The following NCKAP5 variants were observed in gnomAD, a reference collection of about 807,000 sequenced individuals.
NCKAP5 encodes NCK associated protein 5.
In NCKAP5, 92 loss-of-function variants were observed where a neutral mutation model predicts 167.0. That is an observed-to-expected ratio of 0.55 (90% CI 0.47 to 0.66). NCKAP5 has a LOEUF of 0.66. Ranked by LOEUF, NCKAP5 falls within the 30% of genes least tolerant of loss-of-function variation. The probability of loss-of-function intolerance (pLI) is 0.00; values close to 1 mark genes in which losing one functional copy is unlikely to be tolerated. For missense variants in NCKAP5, 2,378 were observed against 2,315.0 expected (o/e 1.03, Z -0.56); for synonymous variants, 891 against 877.4 (o/e 1.02, Z -0.27).
intron 4 of NCKAP5, among the ~76,000 whole-genome samples, chr2:133,267,781 C>T (rs2089312031): frequency 6.6e-6 from 1 of 152,116 alleles, no homozygotes. Context: ...ATGAGATGCT[C>T]CTTTCAATAA....
intron 8 of NCKAP5, among the ~76,000 whole-genome samples, chr2:132,917,119 A>T (rs1429087157): frequency 2.0e-5 from 3 of 152,198 alleles, no homozygotes; most frequent in Non-Finnish European, 4.4e-5. Flanking sequence ...CCTTGTTTAC[A>T]GATAAGAAAG....
Position 132,734,184 on chromosome 2 carries a change from A to G in NCKAP5, c.5129-2133T>C, listed in dbSNP as rs549807204. Among the ~76,000 whole-genome samples the G allele has an allele frequency of 2.0e-5, 3 of 152,264 alleles. No homozygotes were observed. The South Asian group carries it at 6.2e-4, about 32-fold the overall frequency. On this transcript the variant is annotated intron_variant, in intron 16 of 19. Transcript: ENST00000409261. ...TTTCATTTTCTCCTCAATTAAGGGT[A>G]TTTAATTGTTATAGAATGGTGTTTT...
chr2:133,096,233 G>A (rs374635154), intron 6 of NCKAP5, among the ~76,000 whole-genome samples: 32 of 152,296 alleles, frequency 2.1e-4, no homozygotes, highest in African/African-American at 7.5e-4. Flanking sequence ...GCTCACACAT[G>A]TAATCCCAGC....
intron 4 of NCKAP5, among the ~76,000 whole-genome samples, chr2:133,293,862 T>C (rs912362369): frequency 9.2e-5 from 14 of 152,120 alleles, no homozygotes; most frequent in African/African-American, 3.4e-4. Flanking sequence ...TTTGATGGGT[T>C]TCCAGGGTGG....
At chr2:133,473,282 A>C (rs1351429310) in intron 3 of NCKAP5, among the ~76,000 whole-genome samples, 1 of 152,090 alleles carries the variant, frequency 6.6e-6, no homozygotes, top group African/African-American at 2.4e-5. Context: ...CAGTGAGCCG[A>C]GATCGAGCCA....
chr2:133,637,476 C>CAAAAAA, the NCKAP5 span, among the ~76,000 whole-genome samples: 7 of 31,672 alleles, frequency 2.2e-4, no homozygotes, highest in African/African-American at 9.3e-4. Flanking sequence ...TGGTATTTTC[C>CAAAAAA]AAAAAAAAAA....
At chr2:133,132,942 C>A (rs1209546852) in intron 5 of NCKAP5, among the ~76,000 whole-genome samples, 4 of 152,136 alleles carry the variant, frequency 2.6e-5, no homozygotes, top group African/African-American at 9.7e-5. Flanking sequence ...TCCCAAAGTG[C>A]TGGGATTATA....
intron 12 of NCKAP5, among the ~76,000 whole-genome samples, chr2:132,795,820 G>GAAAAAAAAAAAAAAAAA (rs55826486): frequency 5.9e-5 from 5 of 84,986 alleles, no homozygotes; most frequent in Non-Finnish European, 1.3e-4. Flanking sequence ...CCCCGTATCA[G>GAAAAAAAAAAAAAAAAA]AAAAAAAAAA....
intron 4 of NCKAP5, among the ~76,000 whole-genome samples, chr2:133,214,390 T>G (rs1158853637): frequency 6.6e-6 from 1 of 152,190 alleles, no homozygotes; most frequent in African/African-American, 2.4e-5. Context: ...AGTAGTTTTT[T>G]GGAATCAAAT....
At chr2:132,740,919 A>G (rs1574049980) in intron 16 of NCKAP5, among the ~76,000 whole-genome samples, 1 of 152,218 alleles carries the variant, frequency 6.6e-6, no homozygotes, top group East Asian at 1.9e-4. Flanking sequence ...TTAAACCAAT[A>G]TAAAAGAAGT....
chr2:133,456,995 T>A (rs1691900819), intron 3 of NCKAP5, among the ~76,000 whole-genome samples: 1 of 152,286 alleles, frequency 6.6e-6, no homozygotes, highest in East Asian at 1.9e-4. Context: ...AACACAGCTA[T>A]GAGCTTCATC....
At chr2:133,085,966 A>G (rs900025776) in intron 6 of NCKAP5, among the ~76,000 whole-genome samples, 7 of 152,164 alleles carry the variant, frequency 4.6e-5, no homozygotes, top group Non-Finnish European at 1.0e-4. Context: ...ACCAACCAGG[A>G]AGTGCAAAAA....
chr2:133,110,807 G>A (rs1050045884), intron 6 of NCKAP5, among the ~76,000 whole-genome samples: 2 of 152,148 alleles, frequency 1.3e-5, no homozygotes, highest in Non-Finnish European at 2.9e-5. Flanking sequence ...CACAGACTGG[G>A]GGGCTTCAAC....
chr2:132,732,567 C>G (rs1691133130), intron 16 of NCKAP5, among the ~76,000 whole-genome samples: 1 of 152,190 alleles, frequency 6.6e-6, no homozygotes, highest in South Asian at 2.1e-4. Flanking sequence ...AGAAGACCAG[C>G]CTGTTACAAG....
intron 4 of NCKAP5, among the ~76,000 whole-genome samples, chr2:133,270,231 A>G (rs780070073): frequency 3.3e-5 from 5 of 151,904 alleles, no homozygotes; most frequent in Non-Finnish European, 5.9e-5. Context: ...TTGTGGTGGT[A>G]GTTGCAAAAC....
At chr2:132,742,929 T>C (rs911180047) in intron 16 of NCKAP5, among the ~76,000 whole-genome samples, 1 of 151,860 alleles carries the variant, frequency 6.6e-6, no homozygotes, top group African/African-American at 2.4e-5. Flanking sequence ...CATTCACCAA[T>C]ATCCCATGGC....
At chr2:133,104,818 C>T (rs1362530855) in intron 6 of NCKAP5, among the ~76,000 whole-genome samples, 6 of 152,186 alleles carry the variant, frequency 3.9e-5, no homozygotes, top group Non-Finnish European at 8.8e-5. Flanking sequence ...TCAATGATTT[C>T]GACACATTCA....
chr2:133,362,129 A>G (rs964006377), intron 3 of NCKAP5, among the ~76,000 whole-genome samples: 7 of 152,312 alleles, frequency 4.6e-5, no homozygotes, highest in South Asian at 2.1e-4. Flanking sequence ...CAAGGATGGG[A>G]TTGTCTTATT....
At chr2:132,861,324 G>A (rs1222553614) in intron 10 of NCKAP5, among the ~76,000 whole-genome samples, 1 of 151,996 alleles carries the variant, frequency 6.6e-6, no homozygotes. Context: ...GGAAGCTGAT[G>A]TACTAGAACT....
Sources: allele counts gnomAD v4.1 joint callset (sites outside exome capture counted in the v4.1 genomes callset), GRCh38; gene constraint gnomAD v4.1.1; transcripts MANE v1.5; gene names NCBI Gene and HGNC (gene_info 2026-07-23, HGNC 2026-07-21).